Variants in KCNK12 observed in about 807,000 individuals in gnomAD.
The protein encoded by KCNK12 is potassium channel subfamily K member 12.
KCNK12 carries 6 observed loss-of-function variants against 25.3 expected under a neutral mutation model. That is an observed-to-expected ratio of 0.24 (90% confidence interval 0.13 to 0.47). The LOEUF is 0.47. Ranked by LOEUF, KCNK12 falls within the 20% of genes least tolerant of loss-of-function variation. The pLI is 0.99. For synonymous variants in KCNK12, 331 were observed against 311.1 expected (o/e 1.06, Z -0.67); for missense variants, 444 against 661.7 (o/e 0.67, Z 3.61).
Position 47,557,982 on chromosome 2 carries a change from T to C in KCNK12, c.391+11959A>G, listed in dbSNP as rs1299061064. Among the ~76,000 whole-genome samples the C allele has an allele frequency of 6.6e-6, 1 of 152,234 alleles. No homozygotes were observed. The highest frequency in any genetic ancestry group is 1.9e-4 in the East Asian group (1 of 5,198). On this transcript the variant is annotated intron_variant, in intron 1 of 1. Coordinates refer to ENST00000327876, the MANE Select transcript of KCNK12 (RefSeq NM_022055.2). The surrounding 1 kb of genome is among the most constrained non-coding windows in gnomAD (Gnocchi z 4.9). ...GTTGCTGCTTACAGGAGCTTTGGAA[T>C]GAATCCCTTTGAGAAGCAAAGCCTT...
At chr2:47,535,420 G>A (rs1669045478) in intron 1 of KCNK12, among the ~76,000 whole-genome samples, 1 of 151,694 alleles carries the variant, frequency 6.6e-6, no homozygotes, top group African/African-American at 2.4e-5. Flanking sequence ...TCACTGGACT[G>A]CGGCTGAGGG....
At position 47,515,928 on chromosome 2, in the gene KCNK12, C is replaced by T. The variant is rs1333838816; in HGVS notation, c.*4979G>A. Among the ~76,000 whole-genome samples the T allele has an allele frequency of 6.6e-6, 1 of 152,222 alleles. No individual in the cohort carries two copies. Among genetic ancestry groups the T allele is most frequent in the Non-Finnish European group, 1.5e-5 (1 of 68,048 alleles). On this transcript the variant is annotated 3_prime_UTR_variant, in exon 2 of 2. Transcript: ENST00000327876. ...ATAGGGCAGCCTGGTCCCATATCCT[C>T]ATGAAATGCCTCTTATAATTGTGAC...
In KCNK12 at chr2:47,570,122, C is replaced by T; in HGVS notation, c.210G>A (p.Ala70=). The T allele has an allele frequency of 1.4e-6, 2 of 1,426,760 alleles. No homozygotes were observed. The highest frequency in any genetic ancestry group is 1.4e-5 in the South Asian group (1 of 71,130). The allele number at this position is 1,426,760 out of a possible 1,614,324, so 88.4% of individuals were successfully genotyped here. A position where few individuals can be genotyped will look rare whatever the true frequency, so the allele number is the denominator to read the frequency against. ...AGTTGCGCAGCGTGGCGCCCCAGCG[C>T]GCCCGCGCCTCCGCCTCGCCGGGGC... ...LESPGEAEAR[A]RWGATLRNFS... The change falls in exon 1 of 2, where the codon GCG becomes GCA. Residue 70 remains alanine (A), a synonymous_variant. Transcript: ENST00000327876.
chr2:47,563,337 T>C (rs1385272846), intron 1 of KCNK12: 3 of 233,472 alleles, frequency 1.3e-5, no homozygotes, highest in African/African-American at 6.6e-5. Flanking sequence ...TACTTGTCTA[T>C]GTGAGCAGTG....
rs541776926 is a variant in KCNK12, at chr2:47,560,347, G to A, written c.391+9594C>T. ...AGAGAGGTACTAGGTGGCGAAGGAT[G>A]GGAAGCAGGCAGCCCTCGCTTTAGT... On this transcript the variant is annotated intron_variant, in intron 1 of 1. Transcript: ENST00000327876. This position sits in a 1 kb window ranked among gnomAD's most constrained non-coding sequence, Gnocchi z 4.7. 1.5e-4 allele frequency among the ~76,000 whole-genome samples: 23 copies of A among 152,326 alleles called. No homozygotes were observed. The highest frequency in any genetic ancestry group is 7.8e-4 in the Admixed American group (12 of 15,302).
At chr2:47,563,009 C>T (rs1171958398) in intron 1 of KCNK12, 3 of 233,382 alleles carry the variant, frequency 1.3e-5, no homozygotes, top group Admixed American at 5.6e-5. Flanking sequence ...GACTCCAGAG[C>T]TGGGGGTGAC....
rs1245936596 is a variant in KCNK12, at chr2:47,510,716, G to A, written c.*10191C>T. 3 of 152,224 alleles carry A rather than the reference G, an allele frequency of 2.0e-5. No homozygotes were observed. Among genetic ancestry groups the A allele is most frequent in the Admixed American group, 1.3e-4 (2 of 15,294 alleles). 9.4% of individuals were successfully genotyped at this position (152,224 alleles called of 1,614,324 possible). ...AGAACTTATCTTAGGGCAATTTTAG[G>A]TAGAGGAGCAGACAAGATGGTGTAC... On this transcript the variant is annotated 3_prime_UTR_variant, in exon 2 of 2. Coordinates refer to ENST00000327876, the MANE Select transcript of KCNK12 (RefSeq NM_022055.2).
Position 47,525,578 on chromosome 2 carries a change from G to C in KCNK12, c.392-3770C>G, listed in dbSNP as rs900416363. 1.3e-5 allele frequency among the ~76,000 whole-genome samples: 2 copies of C among 152,190 alleles called. No homozygotes were observed. Among genetic ancestry groups the C allele is most frequent in the African/African-American group, 2.4e-5 (1 of 41,444 alleles). ...GTCCCAGGGGCCATCTGTACTTCAA[G>C]GGCTTGCTTCATCAGGAGATGTGAG... On this transcript the variant is annotated intron_variant, in intron 1 of 1. Coordinates refer to ENST00000327876, the MANE Select transcript of KCNK12 (RefSeq NM_022055.2). This position sits in a 1 kb window ranked among gnomAD's most constrained non-coding sequence, Gnocchi z 4.1.
chr2:47,514,196 G>T lies in KCNK12; in HGVS notation c.*6711C>A, dbSNP rs1490350455. Among the ~76,000 whole-genome samples the T allele has an allele frequency of 1.3e-5, 2 of 152,214 alleles. No individual in the cohort carries two copies. Among genetic ancestry groups the T allele is most frequent in the Non-Finnish European group, 2.9e-5 (2 of 68,032 alleles). On this transcript the variant is annotated 3_prime_UTR_variant, in exon 2 of 2. Coordinates refer to ENST00000327876, the MANE Select transcript of KCNK12 (RefSeq NM_022055.2). This position sits in a 1 kb window ranked among gnomAD's most constrained non-coding sequence, Gnocchi z 5.0. ...CCTGCTCCTTGTCAGCAGGCTTGCTGCTCTCAGGCTCAGCATGGACAGCTG... is the reference window on the plus strand; with the variant it reads ...CCTGCTCCTTGTCAGCAGGCTTGCTTCTCTCAGGCTCAGCATGGACAGCTG...
chr2:47,563,184 C>T, intron 1 of KCNK12: 1 of 233,520 alleles, frequency 4.3e-6, no homozygotes, highest in Non-Finnish European at 8.5e-6. Context: ...AGTTTTTACC[C>T]AAAGCCCCCT....
rs1573634668 is a variant in KCNK12 at position 47,533,388 on chromosome 2, C to T, written c.392-11580G>A. 6.6e-6 allele frequency among the ~76,000 whole-genome samples: 1 copy of T among 152,318 alleles called. No homozygotes were observed. Among genetic ancestry groups the T allele is most frequent in the African/African-American group, 2.4e-5 (1 of 41,570 alleles). ...CACATGCATCCCACAGTGCCCGGGACATAGTAAGCTCCCCAAAAGCACCAA... is the reference window on the plus strand; with the variant it reads ...CACATGCATCCCACAGTGCCCGGGATATAGTAAGCTCCCCAAAAGCACCAA... On this transcript the variant is annotated intron_variant, in intron 1 of 1. Transcript: ENST00000327876. This position sits in a 1 kb window ranked among gnomAD's most constrained non-coding sequence, Gnocchi z 4.7.
chr2:47,563,277 C>G, intron 1 of KCNK12: 1 of 233,660 alleles, frequency 4.3e-6, no homozygotes. Context: ...GCGCAACACT[C>G]ACCCCTTCTG....
rs1163009216 is a variant in KCNK12, at chr2:47,517,592, A to G, written c.*3315T>C. On this transcript the variant is annotated 3_prime_UTR_variant, in exon 2 of 2. Coordinates refer to ENST00000327876, the MANE Select transcript of KCNK12 (RefSeq NM_022055.2). This position sits in a 1 kb window ranked among gnomAD's most constrained non-coding sequence, Gnocchi z 4.1. ...GGCTGGTGTGTATGTGTGTGTGTAT[A>G]TATATATACATATATGCATGATGCT... 2 of 152,082 alleles carry G rather than the reference A, an allele frequency of 1.3e-5. No individual in the cohort carries two copies. The highest frequency in any genetic ancestry group is 2.1e-4 in the South Asian group (1 of 4,818). The allele number at this position is 152,082 out of a possible 1,614,324, so 9.4% of individuals were successfully genotyped here. A position where few individuals can be genotyped will look rare whatever the true frequency, so the allele number is the denominator to read the frequency against.
At position 47,520,678 on chromosome 2, in the gene KCNK12, G is replaced by A; in HGVS notation, c.*229C>T. ...GTTTTCTCTCCCTGAAGGAGAATCT[G>A]CTGGGGGCCACGGTTCTCCAAGAGG... On this transcript the variant is annotated 3_prime_UTR_variant, in exon 2 of 2. Coordinates refer to ENST00000327876, the MANE Select transcript of KCNK12 (RefSeq NM_022055.2). This position sits in a 1 kb window ranked among gnomAD's most constrained non-coding sequence, Gnocchi z 5.0. The A allele has an allele frequency of 2.6e-6, 1 of 382,776 alleles. No homozygotes were observed. The highest frequency in any genetic ancestry group is 1.4e-4 in the South Asian group (1 of 6,902). 23.7% of individuals were successfully genotyped at this position (382,776 alleles called of 1,614,324 possible).
rs2104839553 is a variant in KCNK12 at position 47,548,741 on chromosome 2, C to A, written c.391+21200G>T. 6.6e-6 allele frequency among the ~76,000 whole-genome samples: 1 copy of A among 152,248 alleles called. No homozygotes were observed. The highest frequency in any genetic ancestry group is 6.5e-5 in the Admixed American group (1 of 15,296). On this transcript the variant is annotated intron_variant, in intron 1 of 1. Transcript: ENST00000327876. This position sits in a 1 kb window ranked among gnomAD's most constrained non-coding sequence, Gnocchi z 4.4. ...AAAAAGGTAGTTCAGGATTATGGTC[C>A]CTGAGAGAAGGGAAACAAACAAGGT... is the stretch of plus-strand genomic sequence containing the variant.
rs1194076589 is a variant in KCNK12, at chr2:47,570,747, C to G, written c.-416G>C. Reference sequence around the variant, plus strand: ...GCTGCGGGCGGGGTGGGCCGTGGATCCCGGGCGCCTAGGACCGGGACGCGG... The same window carrying G: ...GCTGCGGGCGGGGTGGGCCGTGGATGCCGGGCGCCTAGGACCGGGACGCGG... On this transcript the variant is annotated 5_prime_UTR_variant, in exon 1 of 2. Coordinates refer to ENST00000327876, the MANE Select transcript of KCNK12 (RefSeq NM_022055.2). 2 of 152,756 alleles carry G rather than the reference C, an allele frequency of 1.3e-5. No homozygotes were observed. Among genetic ancestry groups the G allele is most frequent in the South Asian group, 2.1e-4 (1 of 4,836 alleles). The allele number at this position is 152,756 out of a possible 1,614,324, so 9.5% of individuals were successfully genotyped here. A position where few individuals can be genotyped will look rare whatever the true frequency, so the allele number is the denominator to read the frequency against.
In KCNK12 at chr2:47,518,770, T is replaced by G. The variant is rs1380935990; in HGVS notation, c.*2137A>C. 6.6e-6 allele frequency: 1 copy of G among 152,332 alleles called. No homozygotes were observed. Among genetic ancestry groups the G allele is most frequent in the East Asian group, 1.9e-4 (1 of 5,200 alleles). 9.4% of individuals were successfully genotyped at this position (152,332 alleles called of 1,614,324 possible). On this transcript the variant is annotated 3_prime_UTR_variant, in exon 2 of 2. Coordinates refer to ENST00000327876, the MANE Select transcript of KCNK12 (RefSeq NM_022055.2). This position sits in a 1 kb window ranked among gnomAD's most constrained non-coding sequence, Gnocchi z 4.1. ...GCAGATCAAGTCCTCACTGTCTAGA[T>G]GCCTCTATCATGGGGATCTCTTCTT... is the stretch of plus-strand genomic sequence containing the variant.
chr2:47,544,167 C>T (rs1043440855), intron 1 of KCNK12, among the ~76,000 whole-genome samples: 8 of 152,202 alleles, frequency 5.3e-5, no homozygotes, highest in Non-Finnish European at 7.3e-5. Context: ...CACAGACACA[C>T]GAGCACGAGC....
intron 1 of KCNK12, among the ~76,000 whole-genome samples, chr2:47,523,032 C>T (rs953542727): frequency 2.0e-4 from 31 of 152,232 alleles, no homozygotes; most frequent in African/African-American, 6.8e-4. Flanking sequence ...AGCTCCTCTT[C>T]TTTCCTCAAG....
Sources: allele counts gnomAD v4.1 joint callset (sites outside exome capture counted in the v4.1 genomes callset), GRCh38; gene constraint gnomAD v4.1.1; non-coding constraint Gnocchi (gnomAD v3.1); transcripts MANE v1.5; gene names NCBI Gene and HGNC (gene_info 2026-07-23, HGNC 2026-07-21).